KIF1C: variants seen among roughly 807,000 people sequenced by gnomAD.
KIF1C encodes kinesin-like protein KIF1C.
Under a neutral mutation model 126.5 loss-of-function variants are expected in KIF1C, and 61 were observed. That is an observed-to-expected ratio of 0.48 (90% CI 0.39 to 0.60). The LOEUF (loss-of-function observed/expected upper bound fraction) is 0.60, where lower values mean the gene tolerates loss of function less well. KIF1C is among the 20% of genes least tolerant of loss of function. The probability of loss-of-function intolerance (pLI) is 0.00; values close to 1 mark genes in which losing one functional copy is unlikely to be tolerated. For synonymous variants in KIF1C, 640 were observed against 580.6 expected, an observed-to-expected ratio of 1.10 and a Z score of -1.47; for missense variants, 1,315 against 1,489.2, an observed-to-expected ratio of 0.88 and a Z score of 1.93.
At chr17:5,006,714 A>G (rs1199995418) in intron 13 of KIF1C, among the ~76,000 whole-genome samples, 1 of 151,906 alleles carries the variant, frequency 6.6e-6, no homozygotes, top group Non-Finnish European at 1.5e-5. Context: ...TGAGCTCTCC[A>G]CCCCTGGAGT....
rs1191146243 is a variant in KIF1C at position 5,025,702 on chromosome 17, C to G, written c.*1551C>G. 1 of 152,132 alleles carries G rather than the reference C, an allele frequency of 6.6e-6. No individual in the cohort carries two copies. Among genetic ancestry groups the G allele is most frequent in the Admixed American group, 6.5e-5 (1 of 15,270 alleles). The allele number at this position is 152,132 out of a possible 1,614,324, so 9.4% of individuals were successfully genotyped here. A position where few individuals can be genotyped will look rare whatever the true frequency, so the allele number is the denominator to read the frequency against. On this transcript the variant is annotated 3_prime_UTR_variant, in exon 23 of 23. Transcript: ENST00000320785. The stretch of plus-strand genomic sequence containing the variant: ...GGGCATGGTGGCGGGGGCCTGTAGT[C>G]CCAGCTACTCAGGAGGCTGAGGCAG...
Position 5,022,589 on chromosome 17 carries a change from C to T in KIF1C, c.2508C>T (p.His836=), listed in dbSNP as rs1352459654. ...RGAEVEDLRA[H]IDKLTGILQE... ...CGGAGGTGGAGGACCTCCGGGCCCA[C>T]ATCGACAAGCTGACGGGGATTCTGC... is the stretch of plus-strand genomic sequence containing the variant. Residue 836 remains histidine (H), a synonymous_variant, in exon 22 of 23, where the codon CAC becomes CAT. Transcript: ENST00000320785. The surrounding 1 kb of genome is among the most constrained non-coding windows in gnomAD (Gnocchi z 4.9). 2.5e-6 allele frequency: 4 copies of T among 1,602,144 alleles called. No homozygotes were observed. Among genetic ancestry groups the T allele is most frequent in the Admixed American group, 3.4e-5 (2 of 58,098 alleles).
At chr17:5,017,293 C>CTTTTT (rs34140025) in intron 18 of KIF1C, among the ~76,000 whole-genome samples, 32 of 85,204 alleles carry the variant, frequency 3.8e-4, no homozygotes, top group Non-Finnish European at 4.6e-4. Context: ...GGCCTTGGTT[C>CTTTTT]TTTTTTTTTT....
rs1974583634 is a variant in KIF1C, at chr17:5,001,254, A to G, written c.216A>G (p.Gln72=). Residue 72 remains glutamine, a synonymous_variant, in exon 5 of 23, where the codon CAA becomes CAG. Transcript: ENST00000320785. ...ACCCCCAGTTTGCATCTCAGCAGCA[A>G]GTGTATCGGGACATTGGAGAAGAGA... ...TEDPQFASQQ[Q]VYRDIGEEML... is the part of the protein sequence containing the mutation. 6.2e-7 allele frequency: 1 copy of G among 1,614,126 alleles called. No individual in the cohort carries two copies. Among genetic ancestry groups the G allele is most frequent in the African/African-American group, 1.3e-5 (1 of 75,040 alleles).
At chr17:5,016,824 T>C (rs1399724104) in intron 18 of KIF1C, among the ~76,000 whole-genome samples, 1 of 151,030 alleles carries the variant, frequency 6.6e-6, no homozygotes, top group African/African-American at 2.4e-5. Flanking sequence ...GAGAATTGCT[T>C]GAACCTGGGA....
At position 5,014,789 on chromosome 17, in the gene KIF1C, C is replaced by T. The variant is rs752955920; in HGVS notation, c.1618C>T (p.Arg540Trp). Residue 540 changes from arginine (R) to tryptophan (W), a missense_variant, in exon 18 of 23, where the codon CGG becomes TGG. This residue lies in a region of KIF1C where 874 missense variants were observed against 1,053.2 expected (regional missense o/e 0.83). Transcript: ENST00000320785. ...MDIKLTGQFI[R>W]EQHCLFRSIP... The stretch of plus-strand genomic sequence containing the variant: ...CATCAAGCTGACCGGACAGTTCATT[C>T]GGGAGCAACACTGTCTGTTCCGGAG... 1.1e-5 allele frequency: 17 copies of T among 1,602,102 alleles called. No homozygotes were observed. The highest frequency in any genetic ancestry group is 2.3e-5 in the South Asian group (2 of 88,230).
At position 5,022,730 on chromosome 17, in the gene KIF1C, C is replaced by T; in HGVS notation, c.2628+21C>T. The T allele has an allele frequency of 6.7e-7, 1 of 1,500,848 alleles. No individual in the cohort carries two copies. The highest frequency in any genetic ancestry group is 8.9e-7 in the Non-Finnish European group (1 of 1,129,494). 93.0% of individuals were successfully genotyped at this position (1,500,848 alleles called of 1,614,324 possible). A position where few individuals can be genotyped will look rare whatever the true frequency, so the allele number is the denominator to read the frequency against. Reference sequence around the variant, plus strand: ...CCCAGGTAGGACTGGCCTTCTGCCTCCCTTCTCTCCTCCCTCGGCTCTTCA... The same window carrying T: ...CCCAGGTAGGACTGGCCTTCTGCCTTCCTTCTCTCCTCCCTCGGCTCTTCA... On this transcript the variant is annotated intron_variant, in intron 22 of 22. Transcript: ENST00000320785. This position sits in a 1 kb window ranked among gnomAD's most constrained non-coding sequence, Gnocchi z 4.9.
rs143695998 is a variant in KIF1C at position 5,018,232 on chromosome 17, C to T, written c.1667-1764C>T. ...CTGAGCTCAAGCAGTCCACCTGCCT[C>T]GGCCTCCCAAAGTGCTGGGATTACA... On this transcript the variant is annotated intron_variant, in intron 18 of 22. Transcript: ENST00000320785. Among the ~76,000 whole-genome samples, 587 of 152,208 alleles carry T rather than the reference C, an allele frequency of 3.9e-3. 2 individuals are homozygous for T. Among genetic ancestry groups the T allele is most frequent in the Middle Eastern group, 0.014 (4 of 294 alleles).
At chr17:5,003,061 G>C (rs1391649590) in intron 8 of KIF1C, among the ~76,000 whole-genome samples, 1 of 148,196 alleles carries the variant, frequency 6.7e-6, no homozygotes, top group African/African-American at 2.5e-5. Flanking sequence ...TTTTAAGACA[G>C]AGTCTTGCTC....
At chr17:5,013,009 G>A (rs1037965422) in intron 16 of KIF1C, among the ~76,000 whole-genome samples, 1 of 152,182 alleles carries the variant, frequency 6.6e-6, no homozygotes, top group Non-Finnish European at 1.5e-5. Flanking sequence ...CAGGCTTGAG[G>A]TGAAGCAGCC....
chr17:5,000,417 G>T (rs1327030850), intron 3 of KIF1C, 65 bp downstream of exon 3: 6 of 1,106,406 alleles, frequency 5.4e-6, no homozygotes, highest in Non-Finnish European at 8.1e-6. Context: ...ACACAGGCCA[G>T]TCCCGCTGGG....
intron 18 of KIF1C, among the ~76,000 whole-genome samples, chr17:5,017,394 G>A (rs1312280521): frequency 6.6e-6 from 1 of 150,848 alleles, no homozygotes; most frequent in Non-Finnish European, 1.5e-5. Context: ...CTGCCTCCCG[G>A]GTTCACGCCA....
intron 18 of KIF1C, 85 bp from the exon 19 acceptor site, chr17:5,019,911 G>A: frequency 1.9e-6 from 2 of 1,063,538 alleles, no homozygotes; most frequent in South Asian, 2.7e-5. Flanking sequence ...GTGGTTTTTT[G>A]GGGTAAGGCA....
Position 5,023,956 on chromosome 17 carries a change from AT to A in KIF1C, c.3118del (p.Ser1040ProfsTer48), listed in dbSNP as rs1975151115. 6.3e-7 allele frequency: 1 copy of A among 1,579,208 alleles called. No homozygotes were observed. Among genetic ancestry groups the A allele is most frequent in the Admixed American group, 1.8e-5 (1 of 54,224 alleles). On this transcript the variant is annotated frameshift_variant, in exon 23 of 23. Coordinates refer to ENST00000320785, the MANE Select transcript of KIF1C (RefSeq NM_006612.6). LOFTEE classifies it high-confidence loss of function. This position sits in a 1 kb window ranked among gnomAD's most constrained non-coding sequence, Gnocchi z 4.2. ...RRNSLDGGGR[S>X]RGAGSAQPEP... ...GGAACTCCCTGGATGGAGGGGGCCG[AT>A]CCCGGGGAGCGGGTTCTGCACAGCC... is the stretch of plus-strand genomic sequence containing the variant.
At position 5,020,833 on chromosome 17, in the gene KIF1C, G is replaced by T; in HGVS notation, c.1965G>T (p.Arg655=). ...TGCAGGATCTGGAGAATCAGTACCG[G>T]AAAGAAAAGGAAGAAGCCGATCTTC... is the stretch of plus-strand genomic sequence containing the variant. The part of the protein sequence containing the change: ...KRLQDLENQY[R]KEKEEADLLL... Residue 655 remains arginine, a synonymous_variant, in exon 21 of 23, where the codon CGG becomes CGT. Transcript: ENST00000320785. This position sits in a 1 kb window ranked among gnomAD's most constrained non-coding sequence, Gnocchi z 5.8. 6.3e-7 allele frequency: 1 copy of T among 1,591,740 alleles called. No individual in the cohort carries two copies. Among genetic ancestry groups the T allele is most frequent in the East Asian group, 2.3e-5 (1 of 44,100 alleles).
rs1264644495 is a variant in KIF1C, at chr17:5,023,817, G to A, written c.2978G>A (p.Gly993Glu). The change falls in exon 23 of 23, where the codon GGG becomes GAG. Residue 993 changes from glycine (G) to glutamate (E), a missense_variant. Around this residue, in one of 2 missense-constraint regions of KIF1C, gnomAD observed 441 missense variants for 436.1 expected, o/e 1.01. Coordinates refer to ENST00000320785, the MANE Select transcript of KIF1C (RefSeq NM_006612.6). This position sits in a 1 kb window ranked among gnomAD's most constrained non-coding sequence, Gnocchi z 4.2. Reference protein sequence around the residue: ...SNPQHRESWPGMGSGEAPTPL... With the variant: ...SNPQHRESWPEMGSGEAPTPL... ...CCCCAGCACCGGGAGTCTTGGCCAG[G>A]GATGGGGAGCGGGGAGGCTCCAACT... is the stretch of plus-strand genomic sequence containing the variant. The A allele has an allele frequency of 6.6e-7, 1 of 1,518,636 alleles. No homozygotes were observed. The highest frequency in any genetic ancestry group is 8.8e-7 in the Non-Finnish European group (1 of 1,134,922). The allele number at this position is 1,518,636 out of a possible 1,614,324, so 94.1% of individuals were successfully genotyped here.
intron 16 of KIF1C, among the ~76,000 whole-genome samples, chr17:5,012,303 C>G (rs867390624): frequency 6.9e-6 from 1 of 145,008 alleles, no homozygotes; most frequent in African/African-American, 2.6e-5. Context: ...GAAAACTTCC[C>G]GGAGGAAGTT....
intron 16 of KIF1C, among the ~76,000 whole-genome samples, chr17:5,010,422 A>G (rs1329488665): frequency 6.6e-6 from 1 of 152,100 alleles, no homozygotes; most frequent in African/African-American, 2.4e-5. Context: ...ATTCCTAGAA[A>G]TGGAGATTTT....
chr17:5,006,367 C>T (rs1307843321), intron 13 of KIF1C, among the ~76,000 whole-genome samples: 1 of 151,304 alleles, frequency 6.6e-6, no homozygotes, highest in Non-Finnish European at 1.5e-5. Flanking sequence ...GAGACAGTCA[C>T]GCTCTGTCAC....
Sources: allele counts gnomAD v4.1 joint callset (sites outside exome capture counted in the v4.1 genomes callset), GRCh38; gene constraint gnomAD v4.1.1; regional missense constraint gnomAD v4.1.1; non-coding constraint Gnocchi (gnomAD v3.1); transcripts MANE v1.5; gene names NCBI Gene and HGNC (gene_info 2026-07-23, HGNC 2026-07-21).